Variants in HGD observed in about 807,000 individuals in gnomAD.
HGD encodes the protein homogentisate oxidase.
A neutral mutation model predicts 60.8 loss-of-function variants in HGD; 61 were observed. The ratio of observed to expected loss-of-function variants is 1.00; its 90% CI spans 0.82 to 1.24. The LOEUF (loss-of-function observed/expected upper bound fraction) is 1.24. HGD is among the 50% of genes most tolerant of loss of function. The pLI is 0.00. For synonymous variants in HGD, 212 were observed against 187.7 expected, an observed-to-expected ratio of 1.13 and a Z score of -1.06; for missense variants, 542 against 547.1, an observed-to-expected ratio of 0.99 and a Z score of 0.09.
chr3:120,656,634 C>T (rs1401664420), intron 4 of HGD, among the ~76,000 whole-genome samples: 2 of 152,188 alleles, frequency 1.3e-5, no homozygotes, highest in East Asian at 3.9e-4. Context: ...TCACTGCAAC[C>T]TCCACCTCCT....
intron 3 of HGD, among the ~76,000 whole-genome samples, chr3:120,671,629 C>T (rs940123566): frequency 1.2e-4 from 18 of 152,188 alleles, no homozygotes; most frequent in African/African-American, 3.9e-4. Flanking sequence ...CCAGCAATCC[C>T]ATTACTGGGT....
At chr3:120,654,319 A>T (rs1941430200) in intron 4 of HGD, among the ~76,000 whole-genome samples, 1 of 152,192 alleles carries the variant, frequency 6.6e-6, no homozygotes, top group Non-Finnish European at 1.5e-5. Flanking sequence ...CACTCATGAG[A>T]ATCACATGGA....
chr3:120,637,079 G>C (rs1940805564), intron 12 of HGD, among the ~76,000 whole-genome samples: 1 of 152,090 alleles, frequency 6.6e-6, no homozygotes, highest in Non-Finnish European at 1.5e-5. Context: ...ACCTCATTAA[G>C]TACAGCCGTG....
At chr3:120,652,756 C>T (rs1391321945) in intron 4 of HGD, 105 bp from the exon 5 acceptor site, 1 of 731,764 alleles carries the variant, frequency 1.4e-6, no homozygotes, top group Admixed American at 2.1e-5. Flanking sequence ...CAGCTACCCC[C>T]TCTGTGAGGC....
chr3:120,651,920 T>C (rs930979102), intron 5 of HGD, among the ~76,000 whole-genome samples: 2 of 152,216 alleles, frequency 1.3e-5, no homozygotes, highest in African/African-American at 4.8e-5. Flanking sequence ...ATATTTTATA[T>C]TTACTTTTGC....
chr3:120,651,714 C>T (rs1257338750), intron 5 of HGD, among the ~76,000 whole-genome samples: 1 of 152,104 alleles, frequency 6.6e-6, no homozygotes, highest in Non-Finnish European at 1.5e-5. Context: ...TCTCTTTGAG[C>T]CCCACTTCCT....
intron 4 of HGD, among the ~76,000 whole-genome samples, chr3:120,655,143 AAAGTCCTGG>A (rs1941456853): frequency 6.6e-6 from 1 of 152,160 alleles, no homozygotes; most frequent in African/African-American, 2.4e-5. Flanking sequence ...GAGTGGTAAT[AAAGTCCTGG>A]CCCTCAGAGA....
chr3:120,670,604 C>T, intron 3 of HGD, 72 bp from the exon 4 acceptor site: 1 of 870,286 alleles, frequency 1.1e-6, no homozygotes, highest in East Asian at 2.4e-5. Flanking sequence ...ATGGCTCAGG[C>T]AGTACCATCA....
chr3:120,664,426 C>CTTTTTTTTTTTTTTTTTTTTTTTTT (rs71133513), intron 4 of HGD, among the ~76,000 whole-genome samples: 1 of 118,820 alleles, frequency 8.4e-6, no homozygotes, highest in Non-Finnish European at 1.7e-5. Context: ...TTTTTTCTTC[C>CTTTTTTTTTTTTTTTTTTTTTTTTT]TTTTTTTTTT....
intron 4 of HGD, among the ~76,000 whole-genome samples, chr3:120,655,887 C>G (rs1414395697): frequency 6.6e-6 from 1 of 152,156 alleles, no homozygotes; most frequent in East Asian, 1.9e-4. Context: ...AACTATAATT[C>G]CATAATTCTC....
At chr3:120,665,217 A>G (rs1167574965) in intron 4 of HGD, among the ~76,000 whole-genome samples, 3 of 152,234 alleles carry the variant, frequency 2.0e-5, no homozygotes, top group Non-Finnish European at 4.4e-5. Context: ...TGCATGTACT[A>G]GAGACAGAAG....
intron 3 of HGD, among the ~76,000 whole-genome samples, chr3:120,671,059 A>G (rs547562371): frequency 9.2e-5 from 14 of 152,250 alleles, no homozygotes; most frequent in Non-Finnish European, 1.8e-4. Flanking sequence ...TCAAGTAATT[A>G]AAAAGTCCTG....
At chr3:120,649,343 C>G (rs1490748626) in intron 6 of HGD, among the ~76,000 whole-genome samples, 2 of 151,756 alleles carry the variant, frequency 1.3e-5, no homozygotes, top group Non-Finnish European at 2.9e-5. Context: ...TGGGGTTTCA[C>G]TATGTTGGCT....
At chr3:120,681,187 T>C (rs1047374149) in intron 1 of HGD, among the ~76,000 whole-genome samples, 1 of 152,236 alleles carries the variant, frequency 6.6e-6, no homozygotes, top group Non-Finnish European at 1.5e-5. Context: ...AGGGCACTTC[T>C]CAAACCCTGC....
intron 6 of HGD, among the ~76,000 whole-genome samples, chr3:120,649,648 A>G (rs1941276770): frequency 1.3e-5 from 2 of 152,126 alleles, no homozygotes; most frequent in African/African-American, 4.8e-5. Context: ...GAGAAAGGGC[A>G]TTTTGTTCTT....
At position 120,632,578 on chromosome 3, in the gene HGD, T is replaced by C. The variant is rs547083251; in HGVS notation, c.1188+569A>G. 4.1e-4 allele frequency among the ~76,000 whole-genome samples: 62 copies of C among 152,270 alleles called. 1 individual carries two copies. In the South Asian group the frequency reaches 0.012, roughly 30 times the overall value. On this transcript the variant is annotated intron_variant, in intron 13 of 13. Coordinates refer to ENST00000283871, the MANE Select transcript of HGD (RefSeq NM_000187.4). ...TGCTTCTCACAAGCCCTGACTATAGTGAGGCAAGGGCTTTTTGACCCTCCT... is the reference window on the plus strand; with the variant it reads ...TGCTTCTCACAAGCCCTGACTATAGCGAGGCAAGGGCTTTTTGACCCTCCT...
chr3:120,673,665 T>C (rs2107553666), intron 3 of HGD, among the ~76,000 whole-genome samples: 1 of 152,290 alleles, frequency 6.6e-6, no homozygotes, highest in African/African-American at 2.4e-5. Flanking sequence ...TTGCCACATA[T>C]CATGCCCAGT....
intron 1 of HGD, among the ~76,000 whole-genome samples, chr3:120,680,206 C>T (rs1708207944): frequency 3.9e-5 from 6 of 152,132 alleles, no homozygotes; most frequent in Admixed American, 3.9e-4. Context: ...TTTCTTACCC[C>T]AGTTGTACTT....
chr3:120,646,143 T>C, intron 9 of HGD, 124 bp downstream of exon 9: 1 of 736,712 alleles, frequency 1.4e-6, no homozygotes, highest in Non-Finnish European at 2.4e-6. Context: ...TAGAGAAGAA[T>C]TTGTCTAGAG....
Sources: allele counts gnomAD v4.1 joint callset (sites outside exome capture counted in the v4.1 genomes callset), GRCh38; gene constraint gnomAD v4.1.1; transcripts MANE v1.5; gene names NCBI Gene and HGNC (gene_info 2026-07-23, HGNC 2026-07-21).